CADM1: variants seen among roughly 807,000 people sequenced by gnomAD.
CADM1 encodes cell adhesion molecule 1.
Under a neutral mutation model 53.1 loss-of-function variants are expected in CADM1, and 15 were observed. The ratio of observed to expected loss-of-function variants is 0.28; its 90% CI spans 0.19 to 0.44. The LOEUF (loss-of-function observed/expected upper bound fraction) is 0.44. Among genes scored for constraint, CADM1 ranks in the 20% least tolerant of loss-of-function variants. The pLI is 1.00. For synonymous variants in CADM1, 281 were observed against 243.0 expected (o/e 1.16, Z -1.45); for missense variants, 434 against 611.3 (o/e 0.71, Z 3.06).
chr11:115,386,921 A>C (rs1946713502), intron 1 of CADM1, among the ~76,000 whole-genome samples: 1 of 152,224 alleles, frequency 6.6e-6, no homozygotes, highest in African/African-American at 2.4e-5. Flanking sequence ...GTGGGAACTA[A>C]TGAAATTTAT....
chr11:115,386,411 TAA>T (rs1194155265), intron 1 of CADM1, among the ~76,000 whole-genome samples: 1 of 152,222 alleles, frequency 6.6e-6, no homozygotes, highest in Non-Finnish European at 1.5e-5. Context: ...CTGTTGCTTA[TAA>T]CAGAATACCA....
intron 1 of CADM1, among the ~76,000 whole-genome samples, chr11:115,471,014 CAG>C (rs1293680016): frequency 6.6e-6 from 1 of 152,138 alleles, no homozygotes; most frequent in East Asian, 1.9e-4. Flanking sequence ...CCTCCAACAT[CAG>C]AGGAGAGGGA....
At chr11:115,439,412 A>G (rs1213721090) in intron 1 of CADM1, among the ~76,000 whole-genome samples, 1 of 152,168 alleles carries the variant, frequency 6.6e-6, no homozygotes, top group African/African-American at 2.4e-5. Context: ...CAACTGTTTT[A>G]TTACTTCAAA....
chr11:115,436,419 C>T (rs1279533923), intron 1 of CADM1, among the ~76,000 whole-genome samples: 2 of 152,160 alleles, frequency 1.3e-5, no homozygotes, highest in Middle Eastern at 3.2e-3. Context: ...ATTCAACTCC[C>T]CCTCCTAATT....
chr11:115,275,038 C>A (rs1943406487), intron 1 of CADM1, among the ~76,000 whole-genome samples: 2 of 152,332 alleles, frequency 1.3e-5, no homozygotes, highest in East Asian at 3.9e-4. Flanking sequence ...ATTTTCTTAA[C>A]CAGCTCAAGA....
intron 1 of CADM1, among the ~76,000 whole-genome samples, chr11:115,293,355 C>T (rs922542508): frequency 2.0e-5 from 3 of 152,154 alleles, no homozygotes; most frequent in Non-Finnish European, 4.4e-5. Context: ...ATGGCGTGAA[C>T]CCGGCAGGCG....
chr11:115,402,619 CAG>C (rs1427523838), intron 1 of CADM1, among the ~76,000 whole-genome samples: 1 of 152,094 alleles, frequency 6.6e-6, no homozygotes, highest in African/African-American at 2.4e-5. Flanking sequence ...AGGACATAAA[CAG>C]GGAGTATACA....
rs1189143394 is a variant in CADM1, at chr11:115,173,939, A to T, written c.*2535T>A. ...TTTGTTCTTTCTTCACTCTAAAAAAAGTGATCAACCTGTACAAAGTAATAC... is the reference window on the plus strand; with the variant it reads ...TTTGTTCTTTCTTCACTCTAAAAAATGTGATCAACCTGTACAAAGTAATAC... On this transcript the variant is annotated 3_prime_UTR_variant, in exon 12 of 12. Coordinates refer to ENST00000331581, the MANE Select transcript of CADM1 (RefSeq NM_001301043.2). The T allele has an allele frequency of 2.1e-6, 2 of 968,470 alleles. No homozygotes were observed. Among genetic ancestry groups the T allele is most frequent in the Non-Finnish European group, 2.5e-6 (2 of 814,626 alleles). The allele number at this position is 968,470 out of a possible 1,614,324, so 60.0% of individuals were successfully genotyped here.
chr11:115,178,891 G>A, intron 10 of CADM1, 116 bp from the exon 11 acceptor site: 1 of 1,070,524 alleles, frequency 9.3e-7, no homozygotes, highest in Non-Finnish European at 1.4e-6. Flanking sequence ...AGGAGTCACA[G>A]AGAACAATCG....
chr11:115,421,449 C>T (rs1426492679), intron 1 of CADM1, among the ~76,000 whole-genome samples: 7 of 152,216 alleles, frequency 4.6e-5, no homozygotes, highest in African/African-American at 1.7e-4. Context: ...AGCAGCTCAG[C>T]CACACCTTTT....
chr11:115,183,748 T>C (rs893549456), intron 10 of CADM1, among the ~76,000 whole-genome samples: 2 of 152,230 alleles, frequency 1.3e-5, no homozygotes, highest in African/African-American at 2.4e-5. Flanking sequence ...TTTAGCAACA[T>C]GGCGCTTAAA....
At chr11:115,381,672 T>C (rs1946583325) in intron 1 of CADM1, among the ~76,000 whole-genome samples, 1 of 152,154 alleles carries the variant, frequency 6.6e-6, no homozygotes, top group South Asian at 2.1e-4. Context: ...TGTAAACTAT[T>C]GAAAACAATA....
intron 5 of CADM1, among the ~76,000 whole-genome samples, chr11:115,223,327 A>T (rs986655054): frequency 3.3e-5 from 5 of 152,208 alleles, no homozygotes; most frequent in Non-Finnish European, 7.3e-5. Flanking sequence ...GGTGTCTTAC[A>T]GGAAATCAGA....
At chr11:115,503,378 C>G (rs1301606842) in intron 1 of CADM1, among the ~76,000 whole-genome samples, 2 of 152,310 alleles carry the variant, frequency 1.3e-5, no homozygotes, top group East Asian at 1.9e-4. Context: ...ACGCAGGGAG[C>G]GCGCGGAGGC....
chr11:115,316,379 C>G (rs1944666922), intron 1 of CADM1, among the ~76,000 whole-genome samples: 1 of 152,096 alleles, frequency 6.6e-6, no homozygotes, highest in East Asian at 1.9e-4. Context: ...CTCTGTTCAC[C>G]TTGTTCAGCT....
chr11:115,250,125 G>A (rs1437675955), intron 1 of CADM1, among the ~76,000 whole-genome samples: 2 of 152,066 alleles, frequency 1.3e-5, no homozygotes, highest in Admixed American at 6.5e-5. Flanking sequence ...GGATGGTCTC[G>A]ATCTCCTGAC....
intron 1 of CADM1, among the ~76,000 whole-genome samples, chr11:115,268,428 A>G (rs772029070): frequency 1.3e-5 from 2 of 152,210 alleles, no homozygotes; most frequent in South Asian, 4.2e-4. Flanking sequence ...CACCACCACA[A>G]CCAAATCTCT....
intron 8 of CADM1, among the ~76,000 whole-genome samples, chr11:115,205,848 T>C (rs1357618356): frequency 6.6e-6 from 1 of 152,194 alleles, no homozygotes; most frequent in African/African-American, 2.4e-5. Context: ...AAAAATTTAA[T>C]GGTACTATAA....
At chr11:115,224,437 G>A (rs1941524575) in intron 5 of CADM1, among the ~76,000 whole-genome samples, 1 of 152,058 alleles carries the variant, frequency 6.6e-6, no homozygotes, top group Non-Finnish European at 1.5e-5. Flanking sequence ...GAGCAGGCAT[G>A]GCATTCAAGC....
Sources: gnomAD v4.1 joint callset for allele counts (sites outside exome capture counted in the v4.1 genomes callset) on GRCh38, gnomAD v4.1.1 for gene constraint, MANE v1.5 for transcripts, NCBI Gene and HGNC (gene_info 2026-07-23, HGNC 2026-07-21) for gene names.